Variants in MUC22 observed in about 807,000 individuals in gnomAD.
The protein encoded by MUC22 is mucin 22, also known as mucin-22.
Under a neutral mutation model 40.3 loss-of-function variants are expected in MUC22, and 24 were observed. The observed-to-expected ratio is 0.60, with a 90% CI of 0.43 to 0.84. The LOEUF (loss-of-function observed/expected upper bound fraction) is 0.84, where lower values mean the gene tolerates loss of function less well. Ranked by LOEUF, MUC22 falls within the 40% of genes least tolerant of loss-of-function variation. The pLI, the probability that MUC22 is intolerant of heterozygous loss-of-function variation, is 0.00. For missense variants in MUC22, 1,926 were observed against 2,130.7 expected, an observed-to-expected ratio of 0.90 and a Z score of 1.89; for synonymous variants, 765 against 844.5, an observed-to-expected ratio of 0.91 and a Z score of 1.63.
At chr6:31,029,555 C>T (rs187745372) in exon 2 of MUC22, 1 of 1,529,172 alleles carries the variant, frequency 6.5e-7, no homozygotes, top group Non-Finnish European at 8.8e-7. Context: ...GGCTCTGAGG[C>T]CACTACAGTT....
At chr6:31,028,736 G>T in exon 2 of MUC22, 2 of 1,528,670 alleles carry the variant, frequency 1.3e-6, no homozygotes, top group Non-Finnish European at 1.7e-6. Context: ...TCTACTGAAG[G>T]CTCTGAGACC....
chr6:31,026,090 C>T (rs1304684705), exon 2 of MUC22: 4 of 1,530,638 alleles, frequency 2.6e-6, no homozygotes, highest in Admixed American at 3.9e-5. Context: ...ACAGCATCTA[C>T]TGCAGGTTCT....
At position 31,011,349 on chromosome 6, in the gene MUC22, C is replaced by T. The variant is rs1763859396; in HGVS notation, c.70+573C>T. 6.6e-6 allele frequency among the ~76,000 whole-genome samples: 1 copy of T among 152,154 alleles called. No individual in the cohort carries two copies. The highest frequency in any genetic ancestry group is 1.5e-5 in the Non-Finnish European group (1 of 68,038). The stretch of plus-strand genomic sequence containing the variant: ...TAGTCTTTTATCTCTCGTGCCTCCC[C>T]CGTCCTTCCTCCCTAGTGCCCAAAG... On this transcript the variant is annotated intron_variant, in intron 1 of 3. Coordinates refer to ENST00000561890, the Ensembl canonical transcript of MUC22. The surrounding 1 kb of genome is among the most constrained non-coding windows in gnomAD (Gnocchi z 4.5).
upstream of MUC22, among the ~76,000 whole-genome samples, chr6:31,007,794 A>G (rs893456005): frequency 6.6e-6 from 1 of 152,150 alleles, no homozygotes; most frequent in Non-Finnish European, 1.5e-5. The surrounding 1 kb of genome is among the most constrained non-coding windows in gnomAD (Gnocchi z 4.0). Context: ...CTAAGCCCAC[A>G]ACCCCTGTTT....
intron 3 of MUC22, among the ~76,000 whole-genome samples, chr6:31,033,120 G>A (rs1031887057): frequency 3.9e-5 from 6 of 152,030 alleles, no homozygotes; most frequent in Non-Finnish European, 1.5e-5. Context: ...AGCAGAGATC[G>A]TGCCACTGCA....
At chr6:31,025,035 A>AT (rs9281107) in intron 1 of MUC22, among the ~76,000 whole-genome samples, 21,932 of 151,732 alleles carry the variant, frequency 0.14, 1,738 homozygotes, top group African/African-American at 0.19. Flanking sequence ...ATGCCTGGCT[A>AT]ATTTTGTATT....
chr6:31,034,688 C>T (rs1766316423), exon 4 of MUC22: 1 of 1,534,018 alleles, frequency 6.5e-7, no homozygotes, highest in Non-Finnish European at 8.7e-7. Context: ...CTTTTCTTCC[C>T]CCTGAGATAT....
Position 31,029,470 on chromosome 6 carries a change from A to C in MUC22, c.4039A>C (p.Thr1347Pro), listed in dbSNP as rs201036481. ...CTCCACCTCAGGCTCTGGGACCACC[A>C]CAGCCTCTACCGCAGGCTCTGAGAC... Residue 1347 changes from threonine to proline, a missense_variant, in exon 2 of 4, where the codon ACA (threonine) becomes CCA (proline). Around this residue, in one of 3 missense-constraint regions of MUC22, gnomAD observed 610 missense variants for 714.6 expected, o/e 0.85. Transcript: ENST00000561890. The C allele has an allele frequency of 2.0e-6, 3 of 1,534,512 alleles. No individual in the cohort carries two copies. In the East Asian group the frequency reaches 7.4e-5, roughly 38 times the overall value.
In MUC22 at chr6:31,013,286, C is replaced by T. The variant is rs898221778; in HGVS notation, c.70+2510C>T. ...GGACTACAGGCGCACACCGCCACGC[C>T]CAGCTAATTTTTTGTATTTTAGTAG... On this transcript the variant is annotated intron_variant, in intron 1 of 3. Transcript: ENST00000561890. Among the ~76,000 whole-genome samples the T allele has an allele frequency of 4.6e-5, 7 of 152,032 alleles. No individual in the cohort carries two copies. In the South Asian group the frequency reaches 8.4e-4, roughly 18 times the overall value.
exon 2 of MUC22, chr6:31,029,270 C>T (rs1765803583): frequency 3.9e-6 from 6 of 1,528,648 alleles, no homozygotes; most frequent in Non-Finnish European, 8.8e-7. Flanking sequence ...ATCACCTCTA[C>T]TGAAGGTTCA....
At chr6:31,013,877 G>GT (rs367718308) in intron 1 of MUC22, among the ~76,000 whole-genome samples, 4 of 151,454 alleles carry the variant, frequency 2.6e-5, no homozygotes, top group Non-Finnish European at 4.4e-5. Flanking sequence ...GGTTTTTTGG[G>GT]TTTTTTTTCC....
At chr6:31,021,472 G>A (rs1764736195) in intron 1 of MUC22, among the ~76,000 whole-genome samples, 1 of 150,252 alleles carries the variant, frequency 6.7e-6, no homozygotes, top group African/African-American at 2.5e-5. Context: ...AGCTGCTCTC[G>A]TGGGGCCTTG....
At position 31,028,213 on chromosome 6, in the gene MUC22, G is replaced by A. The variant is rs753247695; in HGVS notation, c.2782G>A (p.Val928Ile). The A allele has an allele frequency of 1.1e-4, 172 of 1,533,568 alleles. 5 individuals are homozygous for A. Among genetic ancestry groups the A allele is most frequent in the South Asian group, 8.3e-4 (70 of 83,962 alleles). The allele number at this position is 1,533,568 out of a possible 1,614,324, so 95.0% of individuals were successfully genotyped here. A position where few individuals can be genotyped will look rare whatever the true frequency, so the allele number is the denominator to read the frequency against. ...TACTGAAGGCTCTGAGACCACTACA[G>A]TATCTGCCACAGGCTCTGAGACCAC... The change falls in exon 2 of 4, where the codon GTA (valine) becomes ATA (isoleucine). Residue 928 changes from valine (V) to isoleucine (I), a missense_variant. Transcript: ENST00000561890.
chr6:31,025,658 C>A (rs1186364373), exon 2 of MUC22: 3 of 1,533,060 alleles, frequency 2.0e-6, no homozygotes, highest in African/African-American at 1.4e-5. Context: ...TCTGAGACAA[C>A]CTCAGCCTCC....
exon 2 of MUC22, chr6:31,029,851 G>C: frequency 2.7e-6 from 4 of 1,471,374 alleles, no homozygotes; most frequent in Non-Finnish European, 3.6e-6. Flanking sequence ...CACAGGTTCT[G>C]AGACCTCCAC....
At chr6:31,027,873 G>A (rs1179521306) in exon 2 of MUC22, 2 of 1,534,716 alleles carry the variant, frequency 1.3e-6, no homozygotes, top group Non-Finnish European at 1.7e-6. Context: ...AAGGCTCTGA[G>A]ATGACTACAG....
chr6:31,009,993 T>C (rs1353363128), upstream of MUC22, among the ~76,000 whole-genome samples: 1 of 152,144 alleles, frequency 6.6e-6, no homozygotes, highest in Non-Finnish European at 1.5e-5. Context: ...CACGTAGCCA[T>C]GTGCTGCTCT....
chr6:31,020,788 C>T (rs1442654740), intron 1 of MUC22, among the ~76,000 whole-genome samples: 2 of 148,854 alleles, frequency 1.3e-5, no homozygotes. Flanking sequence ...TCCAGGTAGG[C>T]GTGGGCTTGG....
Position 31,025,799 on chromosome 6 carries a change from C to A in MUC22, c.368C>A (p.Ala123Glu), listed in dbSNP as rs1188007057. The A allele has an allele frequency of 2.0e-6, 3 of 1,532,114 alleles. No homozygotes were observed. In the African/African-American group the frequency reaches 4.1e-5, roughly 21 times the overall value. The allele number at this position is 1,532,114 out of a possible 1,614,324, so 94.9% of individuals were successfully genotyped here. The change falls in exon 2 of 4, where the codon GCA (alanine) becomes GAA (glutamate). Residue 123 changes from alanine to glutamate, a missense_variant. Physicochemically the swap from Ala to Glu is moderately radical, Grantham distance 107. This residue lies in a region of MUC22 where 1,281 missense variants were observed against 1,337.8 expected (regional missense o/e 0.96). Transcript: ENST00000561890. ...TCTGACACAACCACAGGCTCCACTG[C>A]AGGCTCTGAAACTATCGTGGCCTCC...
Sources: allele counts gnomAD v4.1 joint callset (sites outside exome capture counted in the v4.1 genomes callset), GRCh38; gene constraint gnomAD v4.1.1; regional missense constraint gnomAD v4.1.1; non-coding constraint Gnocchi (gnomAD v3.1); transcripts MANE v1.5; gene names NCBI Gene and HGNC (gene_info 2026-07-23, HGNC 2026-07-21).